Variants in PDGFC observed in about 807,000 individuals in gnomAD.
PDGFC encodes the protein platelet derived growth factor C.
A neutral mutation model predicts 35.5 loss-of-function variants in PDGFC; 12 were observed. That is an observed-to-expected ratio of 0.34 (90% CI 0.22 to 0.55). PDGFC has a LOEUF of 0.55. Ranked by LOEUF, PDGFC falls within the 20% of genes least tolerant of loss-of-function variation. PDGFC has a pLI of 0.91. For missense variants in PDGFC, 322 were observed against 412.4 expected (o/e 0.78, Z 1.90); for synonymous variants, 159 against 148.8 (o/e 1.07, Z -0.50).
At chr4:156,831,189 A>G (rs571591654) in intron 2 of PDGFC, among the ~76,000 whole-genome samples, 1 of 152,314 alleles carries the variant, frequency 6.6e-6, no homozygotes, top group South Asian at 2.1e-4. Context: ...TGCACAGAGT[A>G]GGCAATCGAC....
chr4:156,796,814 T>C (rs1731455539), intron 3 of PDGFC, among the ~76,000 whole-genome samples: 1 of 152,114 alleles, frequency 6.6e-6, no homozygotes, highest in Non-Finnish European at 1.5e-5. Context: ...TTACTATGGA[T>C]AGGCTGTTGG....
chr4:156,937,944 T>C (rs1731721861), intron 1 of PDGFC, among the ~76,000 whole-genome samples: 2 of 152,076 alleles, frequency 1.3e-5, no homozygotes, highest in African/African-American at 4.8e-5. Flanking sequence ...GACTAAAAAT[T>C]CTTCTCAATT....
chr4:156,849,811 T>C (rs1729409814), intron 2 of PDGFC, among the ~76,000 whole-genome samples: 1 of 152,110 alleles, frequency 6.6e-6, no homozygotes, highest in Non-Finnish European at 1.5e-5. Context: ...ACTTTTTCTT[T>C]CAGTAGCTTA....
At chr4:156,967,026 CTTTTTTT>C (rs377133242) in intron 1 of PDGFC, among the ~76,000 whole-genome samples, 7 of 136,940 alleles carry the variant, frequency 5.1e-5, no homozygotes, top group African/African-American at 1.6e-4. Context: ...GAAGTTTTTT[CTTTTTTT>C]TTTTTTTTGT....
At chr4:156,910,813 T>C (rs1358872205) in intron 1 of PDGFC, among the ~76,000 whole-genome samples, 5 of 152,144 alleles carry the variant, frequency 3.3e-5, no homozygotes, top group South Asian at 2.1e-4. Flanking sequence ...CATATTTTCA[T>C]AGGCTCATTC....
chr4:156,821,493 G>A (rs1257067176), intron 2 of PDGFC, among the ~76,000 whole-genome samples: 2 of 151,642 alleles, frequency 1.3e-5, no homozygotes, highest in African/African-American at 2.4e-5. Flanking sequence ...CTCCCACCTC[G>A]GCCGCCCAAC....
At chr4:156,875,961 G>A (rs1730107100) in intron 1 of PDGFC, among the ~76,000 whole-genome samples, 1 of 152,012 alleles carries the variant, frequency 6.6e-6, no homozygotes, top group South Asian at 2.1e-4. Flanking sequence ...AAAATGCTGA[G>A]GAATCAATTA....
chr4:156,816,468 A>T (rs973311095), intron 2 of PDGFC, among the ~76,000 whole-genome samples: 3 of 152,142 alleles, frequency 2.0e-5, no homozygotes, highest in Admixed American at 2.0e-4. Context: ...TATAATAAAA[A>T]TAATTCAAAA....
chr4:156,891,196 C>T (rs551783216), intron 1 of PDGFC, among the ~76,000 whole-genome samples: 2 of 136,864 alleles, frequency 1.5e-5, no homozygotes, highest in Non-Finnish European at 3.1e-5. Flanking sequence ...AGGAAAAATG[C>T]GTGAACCCGG....
intron 1 of PDGFC, among the ~76,000 whole-genome samples, chr4:156,868,065 T>C (rs1251250403): frequency 6.6e-6 from 1 of 152,062 alleles, no homozygotes; most frequent in African/African-American, 2.4e-5. Context: ...ACCACCTACC[T>C]TGGCCTCCCA....
At chr4:156,915,835 C>T (rs1399457273) in intron 1 of PDGFC, among the ~76,000 whole-genome samples, 1 of 152,042 alleles carries the variant, frequency 6.6e-6, no homozygotes, top group Non-Finnish European at 1.5e-5. Context: ...TACCAACTCT[C>T]TCACAAGTAT....
intron 1 of PDGFC, among the ~76,000 whole-genome samples, chr4:156,912,891 G>C (rs1200299313): frequency 6.6e-6 from 1 of 151,334 alleles, no homozygotes; most frequent in Non-Finnish European, 1.5e-5. Flanking sequence ...TAGCTGGAGG[G>C]ATTAAAAAAA....
intron 1 of PDGFC, chr4:156,876,815 T>G (rs150562622): frequency 4.3e-4 from 65 of 152,284 alleles, no homozygotes; most frequent in African/African-American, 1.6e-3. Flanking sequence ...CTACGAAATC[T>G]AGGAATTTTT....
At chr4:156,910,046 A>C (rs1400057555) in intron 1 of PDGFC, among the ~76,000 whole-genome samples, 3 of 152,122 alleles carry the variant, frequency 2.0e-5, no homozygotes, top group Non-Finnish European at 4.4e-5. Flanking sequence ...GTCATGAACA[A>C]ATTTTTCCTC....
At chr4:156,922,178 GTGTGTGTGTGTGTGCATC>G (rs1234555211) in intron 1 of PDGFC, among the ~76,000 whole-genome samples, 1 of 151,618 alleles carries the variant, frequency 6.6e-6, no homozygotes. Context: ...GTGTGTGTGT[GTGTGTGTGTGTGTGCATC>G]TGTGTGTGTG....
chr4:156,923,156 T>G (rs991358914), intron 1 of PDGFC, among the ~76,000 whole-genome samples: 3 of 152,124 alleles, frequency 2.0e-5, no homozygotes, highest in African/African-American at 7.2e-5. Context: ...TCAGTCCCCT[T>G]GCTAGCCTCT....
At chr4:156,957,115 G>A (rs1438969566) in intron 1 of PDGFC, among the ~76,000 whole-genome samples, 5 of 151,948 alleles carry the variant, frequency 3.3e-5, no homozygotes, top group African/African-American at 4.8e-5. Context: ...TTTGGTATGC[G>A]GCTTAATGCT....
chr4:156,964,123 C>CAT (rs1349204047), intron 1 of PDGFC, among the ~76,000 whole-genome samples: 1 of 151,646 alleles, frequency 6.6e-6, no homozygotes, highest in African/African-American at 2.4e-5. Flanking sequence ...CTTATTTATT[C>CAT]ATTTTTATGG....
At chr4:156,857,487 T>G (rs1378492164) in intron 1 of PDGFC, among the ~76,000 whole-genome samples, 1 of 152,112 alleles carries the variant, frequency 6.6e-6, no homozygotes, top group Non-Finnish European at 1.5e-5. Context: ...AAAAACACTT[T>G]GAAGTTCTCA....
Sources: gnomAD v4.1 joint callset for allele counts (sites outside exome capture counted in the v4.1 genomes callset) on GRCh38, gnomAD v4.1.1 for gene constraint, MANE v1.5 for transcripts, NCBI Gene and HGNC (gene_info 2026-07-23, HGNC 2026-07-21) for gene names.